Variants in MICALL2 observed in about 807,000 individuals in gnomAD.
MICALL2 encodes MICAL-like protein 2.
A neutral mutation model predicts 91.1 loss-of-function variants in MICALL2; 111 were observed. That is an observed-to-expected ratio of 1.22 (90% CI 1.04 to 1.43). MICALL2 has a LOEUF of 1.43. Among genes scored for constraint, MICALL2 ranks in the 40% most tolerant of loss-of-function variants. The pLI, the probability that MICALL2 is intolerant of heterozygous loss-of-function variation, is 0.00. For synonymous variants in MICALL2, 694 were observed against 525.3 expected, an observed-to-expected ratio of 1.32 and a Z score of -4.39; for missense variants, 1,556 against 1,236.0, an observed-to-expected ratio of 1.26 and a Z score of -3.88.
intron 1 of MICALL2, 56 bp downstream of exon 1, chr7:1,459,128 C>A (rs1002389590): frequency 6.5e-7 from 1 of 1,544,594 alleles, no homozygotes; most frequent in Admixed American, 1.8e-5. Flanking sequence ...TTTCCCCGCC[C>A]GTGTCAGCGC....
At chr7:1,440,553 G>T in intron 8 of MICALL2, 38 bp downstream of exon 8, 1 of 1,549,188 alleles carries the variant, frequency 6.5e-7, no homozygotes, top group Non-Finnish European at 8.9e-7. Flanking sequence ...AGCACCTATG[G>T]TGTACCAGGC....
At chr7:1,446,195 G>C (rs1179354205) in intron 5 of MICALL2, among the ~76,000 whole-genome samples, 27 of 39,642 alleles carry the variant, frequency 6.8e-4, no homozygotes, top group African/African-American at 3.6e-3. Context: ...AGTGAAGAGG[G>C]AGAGGAGGGG....
In MICALL2 at chr7:1,434,989, C is replaced by G. The variant is rs868022991; in HGVS notation, c.2638+112G>C. 1,045 of 253,858 alleles carry G rather than the reference C, an allele frequency of 4.1e-3. 10 individuals carry two copies. Among genetic ancestry groups the G allele is most frequent in the African/African-American group, 0.021 (914 of 44,160 alleles). The allele number at this position is 253,858 out of a possible 1,614,324, so 15.7% of individuals were successfully genotyped here. On this transcript the variant is annotated intron_variant, in intron 16 of 16. Coordinates refer to ENST00000297508, the MANE Select transcript of MICALL2 (RefSeq NM_182924.4). ...TGAGGGGGGGACCCGATACCCGCCC[C>G]CCCCCCACCCCCAGCTGGAGGCCCG... is the stretch of plus-strand genomic sequence containing the variant.
chr7:1,450,341 G>T, intron 1 of MICALL2, 53 bp from the exon 2 acceptor site: 1 of 1,482,620 alleles, frequency 6.7e-7, no homozygotes, highest in Non-Finnish European at 9.4e-7. Flanking sequence ...CGAAGGGAGG[G>T]GCTGGAGGGC....
In MICALL2 at chr7:1,452,621, G is replaced by A. The variant is rs1453591439; in HGVS notation, c.144-2333C>T. Among the ~76,000 whole-genome samples, 1 of 152,090 alleles carries A rather than the reference G, an allele frequency of 6.6e-6. No homozygotes were observed. Among genetic ancestry groups the A allele is most frequent in the African/African-American group, 2.4e-5 (1 of 41,410 alleles). On this transcript the variant is annotated intron_variant, in intron 1 of 16. Coordinates refer to ENST00000297508, the MANE Select transcript of MICALL2 (RefSeq NM_182924.4). The surrounding 1 kb of genome is among the most constrained non-coding windows in gnomAD (Gnocchi z 6.2). ...CGCACTTGTTTCCGTCCACCCCAGG[G>A]GCCAGCAGCGGCTCTGTCCAGTGGG...
chr7:1,450,504 G>C (rs887206819), intron 1 of MICALL2: 1 of 559,484 alleles, frequency 1.8e-6, no homozygotes, highest in Non-Finnish European at 3.3e-6. Context: ...TACGACATCA[G>C]ACGGCCCCAG....
Position 1,457,179 on chromosome 7 carries a change from C to G in MICALL2, c.143+2005G>C, listed in dbSNP as rs567761532. 2.6e-5 allele frequency among the ~76,000 whole-genome samples: 4 copies of G among 152,344 alleles called. No homozygotes were observed. The East Asian group carries it at 7.7e-4, about 29-fold the overall frequency. On this transcript the variant is annotated intron_variant, in intron 1 of 16. Transcript: ENST00000297508. ...CTTCTGCACGTGGGCACCTACTAAG[C>G]TCCTACCATATCTACTGAACCCCAA...
At chr7:1,442,118 T>G (rs1780310729) in intron 7 of MICALL2, 74 bp downstream of exon 7, 1 of 1,520,718 alleles carries the variant, frequency 6.6e-7, no homozygotes, top group Admixed American at 1.8e-5. Context: ...CCGCACACAC[T>G]GCAGAGTGCG....
rs1781127486 is a variant in MICALL2 at position 1,459,264 on chromosome 7, C to G, written c.63G>C (p.Val21=). The part of the protein sequence containing the change: ...CRQQCEGYRD[V]NICNMTTSFR... The stretch of plus-strand genomic sequence containing the variant: ...ACGACGTGGTCATGTTGCAGATATT[C>G]ACGTCGCGGTAGCCCTCGCACTGCT... The change falls in exon 1 of 17, where the codon GTG becomes GTC. Residue 21 remains valine (V), a synonymous_variant. Coordinates refer to ENST00000297508, the MANE Select transcript of MICALL2 (RefSeq NM_182924.4). 2 of 1,610,150 alleles carry G rather than the reference C, an allele frequency of 1.2e-6. No homozygotes were observed. The highest frequency in any genetic ancestry group is 1.7e-6 in the Non-Finnish European group (2 of 1,178,738).
chr7:1,436,507 C>T (rs1159579753), intron 15 of MICALL2, among the ~76,000 whole-genome samples: 5 of 146,396 alleles, frequency 3.4e-5, no homozygotes, highest in Non-Finnish European at 7.4e-5. Context: ...GAGCCAAGAT[C>T]GCACCACTGC....
intron 5 of MICALL2, 124 bp from the exon 6 acceptor site, chr7:1,445,552 G>A (rs565361505): frequency 4.1e-4 from 354 of 859,824 alleles, no homozygotes; most frequent in African/African-American, 6.4e-4. Flanking sequence ...CTGAACGCCC[G>A]CCCCGCCACG....
In MICALL2 at chr7:1,452,056, T is replaced by C. The variant is rs1780854376; in HGVS notation, c.144-1768A>G. On this transcript the variant is annotated intron_variant, in intron 1 of 16. Transcript: ENST00000297508. This position sits in a 1 kb window ranked among gnomAD's most constrained non-coding sequence, Gnocchi z 6.2. Reference sequence around the variant, plus strand: ...CCCCCGCCCCGTCCGCCTGCAGCCCTGCCGTCCATCAATCTGCTGGGATCC... The same window carrying C: ...CCCCCGCCCCGTCCGCCTGCAGCCCCGCCGTCCATCAATCTGCTGGGATCC... Among the ~76,000 whole-genome samples the C allele has an allele frequency of 6.6e-6, 1 of 152,184 alleles. No homozygotes were observed.
Position 1,448,733 on chromosome 7 carries a change from C to T in MICALL2, c.221G>A (p.Gly74Asp). ...LAFRVAEEHL[G>D]IPALLDAEDM... is the part of the protein sequence containing the mutation. ...CTCGGCATCCAGCAAGGCTGGGATG[C>T]CCAAGTGCTCCTCGGCCACGCGGAA... Residue 74 changes from glycine (G) to aspartate (D), a missense_variant, in exon 3 of 17, where the codon GGC becomes GAC. Gly to Asp is a moderately conservative substitution (Grantham distance 94). Transcript: ENST00000297508. 6.2e-7 allele frequency: 1 copy of T among 1,612,734 alleles called. No homozygotes were observed.
In MICALL2 at chr7:1,452,108, T is replaced by C. The variant is rs540420724; in HGVS notation, c.144-1820A>G. Among the ~76,000 whole-genome samples, 1 of 152,228 alleles carries C rather than the reference T, an allele frequency of 6.6e-6. No individual in the cohort carries two copies. Among genetic ancestry groups the C allele is most frequent in the South Asian group, 2.1e-4 (1 of 4,826 alleles). ...TGGGAACCCTCCACCGTTTCCAGCTTGGACCCCCTCCCAGGTAACAGGTTT... is the reference window on the plus strand; with the variant it reads ...TGGGAACCCTCCACCGTTTCCAGCTCGGACCCCCTCCCAGGTAACAGGTTT... On this transcript the variant is annotated intron_variant, in intron 1 of 16. Transcript: ENST00000297508. This position sits in a 1 kb window ranked among gnomAD's most constrained non-coding sequence, Gnocchi z 6.2.
At chr7:1,453,079 G>A (rs1023151109) in intron 1 of MICALL2, among the ~76,000 whole-genome samples, 2 of 151,852 alleles carry the variant, frequency 1.3e-5, no homozygotes, top group African/African-American at 4.8e-5. Context: ...GGCAGAAATC[G>A]CCGCCAGAAC....
rs536503611 is a variant in MICALL2 at position 1,452,267 on chromosome 7, G to A, written c.144-1979C>T. Among the ~76,000 whole-genome samples, 112 of 152,308 alleles carry A rather than the reference G, an allele frequency of 7.4e-4. No homozygotes were observed. The highest frequency in any genetic ancestry group is 2.6e-3 in the African/African-American group (109 of 41,580). ...CTCAGTGGCAGCGAAAGCGGTTTCCGTCTGCTCGGGCCTGGGCCGATGCCT... is the reference window on the plus strand; with the variant it reads ...CTCAGTGGCAGCGAAAGCGGTTTCCATCTGCTCGGGCCTGGGCCGATGCCT... On this transcript the variant is annotated intron_variant, in intron 1 of 16. Coordinates refer to ENST00000297508, the MANE Select transcript of MICALL2 (RefSeq NM_182924.4). The surrounding 1 kb of genome is among the most constrained non-coding windows in gnomAD (Gnocchi z 6.2).
intron 5 of MICALL2, among the ~76,000 whole-genome samples, chr7:1,445,784 C>A (rs924206210): frequency 1.3e-5 from 2 of 152,196 alleles, no homozygotes; most frequent in East Asian, 3.9e-4. Flanking sequence ...GGCTGACCCA[C>A]CCTGGCCTCA....
rs1584231001 is a variant in MICALL2, at chr7:1,451,035, T to C, written c.144-747A>G. 1.3e-5 allele frequency among the ~76,000 whole-genome samples: 2 copies of C among 152,236 alleles called. No homozygotes were observed. Among genetic ancestry groups the C allele is most frequent in the South Asian group, 2.1e-4 (1 of 4,822 alleles). Reference sequence around the variant, plus strand: ...CAAGCCCACTGAGGTTACATGGTTCTCTCTTTGGGTGGTGGAGTGCCTTCC... The same window carrying C: ...CAAGCCCACTGAGGTTACATGGTTCCCTCTTTGGGTGGTGGAGTGCCTTCC... On this transcript the variant is annotated intron_variant, in intron 1 of 16. Transcript: ENST00000297508. This position sits in a 1 kb window ranked among gnomAD's most constrained non-coding sequence, Gnocchi z 4.5.
Position 1,448,686 on chromosome 7 carries a change from G to A in MICALL2, c.268C>T (p.Pro90Ser). ...TAGGTCAAGATGCTCAGCCGGTCAGGCACCTTCAAGGCCACCATGTCCTCG... is the reference window on the plus strand; with the variant it reads ...TAGGTCAAGATGCTCAGCCGGTCAGACACCTTCAAGGCCACCATGTCCTCG... The part of the protein sequence containing the change: ...DAEDMVALKV[P>S]DRLSILTYVS... The change falls in exon 3 of 17, where the codon CCT becomes TCT. Residue 90 changes from proline to serine, a missense_variant. By Grantham distance (74) the Pro-to-Ser change is moderately conservative. Coordinates refer to ENST00000297508, the MANE Select transcript of MICALL2 (RefSeq NM_182924.4). 6.2e-7 allele frequency: 1 copy of A among 1,612,824 alleles called. No homozygotes were observed. The highest frequency in any genetic ancestry group is 8.5e-7 in the Non-Finnish European group (1 of 1,179,930).
Sources: gnomAD v4.1 joint callset for allele counts (sites outside exome capture counted in the v4.1 genomes callset) on GRCh38, gnomAD v4.1.1 for gene constraint, Gnocchi (gnomAD v3.1) non-coding constraint, MANE v1.5 for transcripts, NCBI Gene and HGNC (gene_info 2026-07-23, HGNC 2026-07-21) for gene names.